The following LRRC3B variants were observed in gnomAD, a reference collection of about 807,000 sequenced individuals.
LRRC3B encodes the protein leucine rich repeat containing 3B.
LRRC3B carries 2 observed loss-of-function variants against 12.8 expected under a neutral mutation model. The ratio of observed to expected loss-of-function variants is 0.16; its 90% confidence interval spans 0.06 to 0.49. LRRC3B has a LOEUF of 0.49. Ranked by LOEUF, LRRC3B falls within the 20% of genes least tolerant of loss-of-function variation. The pLI is 0.96. For missense variants in LRRC3B, 189 were observed against 319.4 expected (o/e 0.59, Z 3.11); for synonymous variants, 132 against 122.0 (o/e 1.08, Z -0.54).
chr3:26,710,603 C>T, exon 2 of LRRC3B: 1 of 746,804 alleles, frequency 1.3e-6, no homozygotes, highest in Non-Finnish European at 2.1e-6. Flanking sequence ...TTAACAAACA[C>T]TACAACATAA....
chr3:26,693,073 G>A (rs1240794222), intron 1 of LRRC3B, among the ~76,000 whole-genome samples: 1 of 152,100 alleles, frequency 6.6e-6, no homozygotes, highest in Non-Finnish European at 1.5e-5. Flanking sequence ...GCTCACGCCT[G>A]TAATCCCAGC....
At chr3:26,643,569 TG>T (rs1699079700) in intron 1 of LRRC3B, among the ~76,000 whole-genome samples, 1 of 152,128 alleles carries the variant, frequency 6.6e-6, no homozygotes, top group South Asian at 2.1e-4. Flanking sequence ...TCTCATTGTC[TG>T]GGATATACAG....
intron 1 of LRRC3B, among the ~76,000 whole-genome samples, chr3:26,685,975 A>G (rs1352182215): frequency 6.6e-6 from 1 of 152,168 alleles, no homozygotes; most frequent in Non-Finnish European, 1.5e-5. Flanking sequence ...CCAAGTTCTT[A>G]GGCTTAGTTA....
At chr3:26,685,813 C>T (rs1430662375) in intron 1 of LRRC3B, among the ~76,000 whole-genome samples, 1 of 151,890 alleles carries the variant, frequency 6.6e-6, no homozygotes, top group Non-Finnish European at 1.5e-5. Flanking sequence ...GGTTTAAATA[C>T]TGTGTCTAAT....
intron 1 of LRRC3B, among the ~76,000 whole-genome samples, chr3:26,635,242 C>T (rs1698841412): frequency 6.6e-6 from 1 of 152,108 alleles, no homozygotes; most frequent in Non-Finnish European, 1.5e-5. Context: ...TGAGCCACTG[C>T]AGGAGTCCCA....
intron 1 of LRRC3B, among the ~76,000 whole-genome samples, chr3:26,652,922 T>G (rs1699294431): frequency 1.3e-5 from 2 of 152,174 alleles, no homozygotes; most frequent in Admixed American, 6.5e-5. Context: ...CCTATTTTTA[T>G]TATGGCATAA....
intron 1 of LRRC3B, among the ~76,000 whole-genome samples, chr3:26,630,976 T>G (rs1463906553): frequency 6.6e-6 from 1 of 152,190 alleles, no homozygotes; most frequent in Admixed American, 6.5e-5. Context: ...GTTAGCACTT[T>G]GGGATCTTCC....
intron 1 of LRRC3B, 90 bp downstream of exon 1, chr3:26,623,327 G>A (rs1698552274): frequency 6.6e-6 from 1 of 152,396 alleles, no homozygotes; most frequent in African/African-American, 2.4e-5. Context: ...AACAAGTAGA[G>A]GAGAACTATT....
At chr3:26,670,185 G>A (rs371964339) in intron 1 of LRRC3B, among the ~76,000 whole-genome samples, 3 of 152,266 alleles carry the variant, frequency 2.0e-5, no homozygotes, top group South Asian at 2.1e-4. Context: ...TTTAGGAAAG[G>A]ATGTGCATTT....
intron 1 of LRRC3B, among the ~76,000 whole-genome samples, chr3:26,693,155 C>T (rs1700227641): frequency 6.6e-6 from 1 of 151,196 alleles, no homozygotes. Context: ...ACGGTGAAAC[C>T]CCGTCTCTAC....
chr3:26,671,055 G>T (rs1314348122), intron 1 of LRRC3B, among the ~76,000 whole-genome samples: 3 of 114,306 alleles, frequency 2.6e-5, no homozygotes, highest in African/African-American at 1.1e-4. Context: ...TCGCTCTGTC[G>T]CCCAGGCTGG....
At chr3:26,649,963 T>A (rs1284759681) in intron 1 of LRRC3B, among the ~76,000 whole-genome samples, 1 of 152,212 alleles carries the variant, frequency 6.6e-6, no homozygotes, top group Non-Finnish European at 1.5e-5. Context: ...CAATTTCATC[T>A]TTTTAAGACC....
intron 1 of LRRC3B, among the ~76,000 whole-genome samples, chr3:26,658,401 G>T (rs887496609): frequency 2.6e-5 from 4 of 152,208 alleles, no homozygotes; most frequent in African/African-American, 9.6e-5. Flanking sequence ...TAAAGTACCT[G>T]CAGAGAGATA....
At chr3:26,642,350 T>C (rs1699047336) in intron 1 of LRRC3B, among the ~76,000 whole-genome samples, 1 of 152,210 alleles carries the variant, frequency 6.6e-6, no homozygotes, top group Non-Finnish European at 1.5e-5. Flanking sequence ...GAGATGGCTC[T>C]ACCAGCAAGT....
intron 1 of LRRC3B, among the ~76,000 whole-genome samples, chr3:26,644,186 A>G (rs1430438467): frequency 1.3e-5 from 2 of 152,250 alleles, no homozygotes; most frequent in East Asian, 3.8e-4. Flanking sequence ...GTATGAACAC[A>G]GGTAGAGCTT....
chr3:26,651,148 A>G (rs1699256726), intron 1 of LRRC3B, among the ~76,000 whole-genome samples: 1 of 152,146 alleles, frequency 6.6e-6, no homozygotes, highest in African/African-American at 2.4e-5. Flanking sequence ...ATTTTGTCAT[A>G]TAGAGAATGG....
At chr3:26,676,542 C>T (rs1699864662) in intron 1 of LRRC3B, among the ~76,000 whole-genome samples, 1 of 152,048 alleles carries the variant, frequency 6.6e-6, no homozygotes, top group South Asian at 2.1e-4. Context: ...CAATGAGATA[C>T]CATCTCACAC....
At chr3:26,646,300 A>G (rs529945783) in intron 1 of LRRC3B, among the ~76,000 whole-genome samples, 151 of 152,326 alleles carry the variant, frequency 9.9e-4, no homozygotes, top group African/African-American at 3.4e-3. Flanking sequence ...TTACTAATTC[A>G]ATATGACAGG....
At chr3:26,681,804 C>T (rs182670207) in intron 1 of LRRC3B, among the ~76,000 whole-genome samples, 10 of 152,110 alleles carry the variant, frequency 6.6e-5, no homozygotes, top group Non-Finnish European at 1.2e-4. Context: ...TAAGCCAAAG[C>T]CTCTTGAATT....
Sources: allele counts gnomAD v4.1 joint callset (sites outside exome capture counted in the v4.1 genomes callset), GRCh38; gene constraint gnomAD v4.1.1; transcripts MANE v1.5; gene names NCBI Gene and HGNC (gene_info 2026-07-23, HGNC 2026-07-21).